Variants in PKIB observed in about 807,000 individuals in gnomAD.
PKIB encodes the protein cAMP-dependent protein kinase inhibitor beta, also known as PKI-beta.
A neutral mutation model predicts 4.5 loss-of-function variants in PKIB; 2 were observed. The observed-to-expected ratio is 0.44, with a 90% confidence interval of 0.18 to 1.39. The LOEUF is 1.39. Ranked by LOEUF, PKIB falls within the 40% of genes most tolerant of loss-of-function variation. The pLI, the probability that PKIB is intolerant of heterozygous loss-of-function variation, is 0.27. For missense variants in PKIB, 94 were observed against 92.6 expected, an observed-to-expected ratio of 1.02 and a Z score of -0.06; for synonymous variants, 38 against 36.0, an observed-to-expected ratio of 1.06 and a Z score of -0.20.
rs138324776 is a variant in PKIB, at chr6:122,475,102, C to T, written c.-336-2749C>T. On this transcript the variant is annotated intron_variant, in intron 1 of 6. Transcript: ENST00000392491. ...AGGCTGGAGTTCAGTGGCCTGATCT[C>T]GGCTCACTGCAACCTCCACCTCCCA... is the stretch of plus-strand genomic sequence containing the variant. 7.5e-3 allele frequency among the ~76,000 whole-genome samples: 1,146 copies of T among 152,158 alleles called. 9 individuals carry two copies. Among genetic ancestry groups the T allele is most frequent in the Middle Eastern group, 0.017 (5 of 294 alleles).
chr6:122,699,416 T>C (rs902718788), intron 3 of PKIB, among the ~76,000 whole-genome samples: 2 of 152,158 alleles, frequency 1.3e-5, no homozygotes, highest in East Asian at 1.9e-4. Context: ...GCTGATTGGA[T>C]GGAGTCAGAA....
intron 2 of PKIB, among the ~76,000 whole-genome samples, chr6:122,583,545 T>A (rs1773764789): frequency 2.0e-5 from 3 of 152,226 alleles, no homozygotes; most frequent in African/African-American, 7.2e-5. Context: ...TTTTTGCTGC[T>A]ATTACTTTAG....
intron 1 of PKIB, among the ~76,000 whole-genome samples, chr6:122,475,997 T>C (rs117540176): frequency 1.3e-5 from 2 of 152,246 alleles, no homozygotes; most frequent in Non-Finnish European, 2.9e-5. Flanking sequence ...GATCTATATC[T>C]CTGAAATATT....
chr6:122,702,938 G>A (rs1363880553), intron 3 of PKIB, among the ~76,000 whole-genome samples: 1 of 152,042 alleles, frequency 6.6e-6, no homozygotes, highest in Non-Finnish European at 1.5e-5. Flanking sequence ...GCATGATGTC[G>A]TGTACTTTCT....
chr6:122,534,671 T>A (rs1382214464), intron 2 of PKIB, among the ~76,000 whole-genome samples: 1 of 151,938 alleles, frequency 6.6e-6, no homozygotes, highest in Non-Finnish European at 1.5e-5. Flanking sequence ...TATAATATAA[T>A]ATATAAAATT....
chr6:122,500,880 G>C (rs1002609170), intron 2 of PKIB, among the ~76,000 whole-genome samples: 1 of 152,134 alleles, frequency 6.6e-6, no homozygotes, highest in Admixed American at 6.5e-5. Context: ...TCATATAGTA[G>C]AGCAGGAGAG....
At chr6:122,597,731 A>G in intron 3 of PKIB, among the ~76,000 whole-genome samples, 1 of 152,226 alleles carries the variant, frequency 6.6e-6, no homozygotes, top group African/African-American at 2.4e-5. Flanking sequence ...GGCCTTTCCC[A>G]CCATGTAGCC....
intron 2 of PKIB, among the ~76,000 whole-genome samples, chr6:122,639,461 C>T (rs967730487): frequency 6.6e-6 from 1 of 152,128 alleles, no homozygotes; most frequent in Non-Finnish European, 1.5e-5. Flanking sequence ...AGTGCTTATT[C>T]CATTTACCCT....
chr6:122,588,215 G>A (rs1390552262), intron 3 of PKIB, among the ~76,000 whole-genome samples: 2 of 152,136 alleles, frequency 1.3e-5, no homozygotes, highest in East Asian at 1.9e-4. Context: ...GTGTAAGGAA[G>A]GGATCGAGTT....
chr6:122,663,094 G>A (rs1012176385), intron 2 of PKIB, among the ~76,000 whole-genome samples: 1 of 152,108 alleles, frequency 6.6e-6, no homozygotes, highest in Non-Finnish European at 1.5e-5. Context: ...TCTGGGCATG[G>A]GTAATTGTGG....
chr6:122,630,136 A>C (rs541157665), intron 1 of PKIB, among the ~76,000 whole-genome samples: 2 of 152,284 alleles, frequency 1.3e-5, no homozygotes, highest in African/African-American at 4.8e-5. Context: ...TATGTTAAAA[A>C]GAAATACTAT....
chr6:122,662,644 A>G (rs1777055829), intron 2 of PKIB, among the ~76,000 whole-genome samples: 2 of 152,180 alleles, frequency 1.3e-5, no homozygotes, highest in East Asian at 1.9e-4. Flanking sequence ...AAACATAAAG[A>G]TGAGGCATGG....
chr6:122,588,898 G>C (rs1773932380), intron 3 of PKIB, among the ~76,000 whole-genome samples: 1 of 152,116 alleles, frequency 6.6e-6, no homozygotes, highest in Admixed American at 6.6e-5. Context: ...GCAGCAGAAA[G>C]GGTTAGTCTT....
intron 3 of PKIB, among the ~76,000 whole-genome samples, chr6:122,694,561 T>C (rs1778486338): frequency 6.6e-6 from 1 of 152,188 alleles, no homozygotes; most frequent in Non-Finnish European, 1.5e-5. Context: ...TTTTTTTTCT[T>C]CTCCTTTCCA....
intron 2 of PKIB, among the ~76,000 whole-genome samples, chr6:122,571,374 G>A (rs1289927945): frequency 1.3e-5 from 2 of 152,144 alleles, no homozygotes; most frequent in African/African-American, 4.8e-5. Flanking sequence ...TAGATATACA[G>A]ATATCAAAAT....
chr6:122,713,444 C>G (rs1359659095), intron 3 of PKIB, among the ~76,000 whole-genome samples: 2 of 152,078 alleles, frequency 1.3e-5, no homozygotes, highest in African/African-American at 4.8e-5. Context: ...GCAGTATTTC[C>G]TCATCTTTCT....
chr6:122,618,872 A>G (rs796698128), intron 1 of PKIB, among the ~76,000 whole-genome samples: 34 of 152,252 alleles, frequency 2.2e-4, no homozygotes, highest in African/African-American at 7.9e-4. Flanking sequence ...ATTTTTAAAG[A>G]GTTTTGATAT....
intron 4 of PKIB, among the ~76,000 whole-genome samples, chr6:122,721,188 A>G (rs1381738534): frequency 6.6e-6 from 1 of 152,194 alleles, no homozygotes; most frequent in Non-Finnish European, 1.5e-5. Flanking sequence ...TGTTACCATA[A>G]CTAACCCCAA....
At chr6:122,610,280 G>A (rs1029487232), upstream of PKIB, 2 of 152,278 alleles carry the variant, frequency 1.3e-5, no homozygotes, top group Non-Finnish European at 1.5e-5. Flanking sequence ...CGGTGGCCCG[G>A]TTTGCACGGA....
Sources: gnomAD v4.1 joint callset for allele counts (sites outside exome capture counted in the v4.1 genomes callset) on GRCh38, gnomAD v4.1.1 for gene constraint, MANE v1.5 for transcripts, NCBI Gene and HGNC (gene_info 2026-07-23, HGNC 2026-07-21) for gene names.